The following DOCK1 variants were observed in gnomAD, a reference collection of about 807,000 sequenced individuals.
DOCK1 encodes the protein dedicator of cytokinesis 1.
DOCK1 carries 138 observed loss-of-function variants against 262.7 expected under a neutral mutation model. The ratio of observed to expected loss-of-function variants is 0.53; its 90% CI spans 0.46 to 0.61. The LOEUF (loss-of-function observed/expected upper bound fraction) is 0.61, where lower values mean the gene tolerates loss of function less well. DOCK1 is among the 20% of genes least tolerant of loss of function. The pLI is 0.00. For synonymous variants in DOCK1, 866 were observed against 867.4 expected (o/e 1.00, Z 0.03); for missense variants, 1,908 against 2,370.7 (o/e 0.80, Z 4.05).
chr10:126,907,773 C>T (rs920517990), intron 1 of DOCK1, among the ~76,000 whole-genome samples: 11 of 152,090 alleles, frequency 7.2e-5, no homozygotes, highest in Non-Finnish European at 1.3e-4. Context: ...GCGCTTGAGT[C>T]TCACACCTTC....
chr10:127,397,494 C>T lies in DOCK1; in HGVS notation c.3928-5561C>T, dbSNP rs1042708231. 6.6e-3 allele frequency among the ~76,000 whole-genome samples: 767 copies of T among 116,450 alleles called. 4 individuals carry two copies. Among genetic ancestry groups the T allele is most frequent in the South Asian group, 0.016 (57 of 3,514 alleles). The allele number at this position is 116,450 out of a possible 152,430, so 76.4% of individuals were successfully genotyped here. ...ATCTGAGCATGAGTTACACGGGCAG[C>T]AACTCCTATGTGATCTGAGCATGAG... On this transcript the variant is annotated intron_variant, in intron 38 of 51. Transcript: ENST00000623213.
At chr10:126,970,875 C>T (rs2038054871) in intron 2 of DOCK1, 90 bp downstream of exon 2, 2 of 1,429,868 alleles carry the variant, frequency 1.4e-6, no homozygotes, top group Non-Finnish European at 9.6e-7. Context: ...TCCTCTGTTA[C>T]AGACACATAA....
At chr10:127,365,552 G>T (rs556683960) in intron 33 of DOCK1, among the ~76,000 whole-genome samples, 1 of 152,326 alleles carries the variant, frequency 6.6e-6, no homozygotes, top group South Asian at 2.1e-4. Flanking sequence ...GGTTAAGGGG[G>T]AAAGTGTATT....
intron 27 of DOCK1, 181 bp downstream of exon 27, chr10:127,127,945 T>G: frequency 2.4e-6 from 1 of 421,578 alleles, no homozygotes. Context: ...CAAACCAACT[T>G]TAAAGATGGA....
chr10:127,215,154 C>T (rs985996318), intron 27 of DOCK1, among the ~76,000 whole-genome samples: 1 of 152,140 alleles, frequency 6.6e-6, no homozygotes, highest in Non-Finnish European at 1.5e-5. Flanking sequence ...AGAATACATC[C>T]CCAGCCACGT....
intron 25 of DOCK1, among the ~76,000 whole-genome samples, chr10:127,122,513 C>T (rs951882360): frequency 2.6e-5 from 4 of 151,948 alleles, no homozygotes; most frequent in Admixed American, 6.6e-5. Flanking sequence ...CATTTTGTCT[C>T]GACAGTTAAA....
At chr10:127,125,431 T>A (rs2049887494) in intron 25 of DOCK1, 43 bp from the exon 26 acceptor site, 1 of 1,607,766 alleles carries the variant, frequency 6.2e-7, no homozygotes, top group Non-Finnish European at 8.5e-7. Flanking sequence ...GAGTTGCGTC[T>A]TGGTGGGTTT....
intron 18 of DOCK1, among the ~76,000 whole-genome samples, chr10:127,033,235 G>A (rs1261510917): frequency 6.8e-6 from 1 of 146,938 alleles, no homozygotes; most frequent in East Asian, 2.0e-4. Context: ...CCCTACTCGT[G>A]CTGTGGGATA....
At chr10:126,918,983 G>GGATTTGGAGGAGGAGAAAGTCA (rs1554955675) in intron 1 of DOCK1, among the ~76,000 whole-genome samples, 22 of 152,066 alleles carry the variant, frequency 1.4e-4, no homozygotes, top group East Asian at 5.8e-4. Flanking sequence ...AGAAAGCCGA[G>GGATTTGGAGGAGGAGAAAGTCA]AGGGAGTGTG....
intron 2 of DOCK1, 80 bp from the exon 3 acceptor site, chr10:126,977,868 A>G (rs2038665831): frequency 3.6e-6 from 5 of 1,381,252 alleles, no homozygotes; most frequent in Non-Finnish European, 5.1e-6. Context: ...CCAAACAGTG[A>G]GTTCTACACA....
At chr10:127,378,339 G>A (rs573546391) in intron 35 of DOCK1, among the ~76,000 whole-genome samples, 2 of 152,176 alleles carry the variant, frequency 1.3e-5, no homozygotes, top group Non-Finnish European at 2.9e-5. Context: ...GAGTTGGGGG[G>A]CCGGTCCCAA....
chr10:127,341,599 T>C (rs2063428168), intron 30 of DOCK1, among the ~76,000 whole-genome samples: 1 of 152,222 alleles, frequency 6.6e-6, no homozygotes, highest in South Asian at 2.1e-4. Context: ...CTAGGTCAGG[T>C]CTCACACATG....
At chr10:127,275,154 C>T (rs899420392) in intron 29 of DOCK1, among the ~76,000 whole-genome samples, 2 of 152,106 alleles carry the variant, frequency 1.3e-5, no homozygotes, top group Admixed American at 6.5e-5. Context: ...GAAGAGAAGC[C>T]GACCCAGGCT....
chr10:127,134,198 G>A (rs2050505364), intron 27 of DOCK1, among the ~76,000 whole-genome samples: 1 of 152,176 alleles, frequency 6.6e-6, no homozygotes, highest in Admixed American at 6.5e-5. Context: ...TTAATTAAGA[G>A]TTGTGTATCT....
chr10:127,209,962 A>G (rs1421831042), intron 27 of DOCK1, among the ~76,000 whole-genome samples: 1 of 152,160 alleles, frequency 6.6e-6, no homozygotes, highest in Admixed American at 6.5e-5. Context: ...AGGAGTTGGT[A>G]AGTCCCGTGG....
chr10:127,352,352 G>T (rs1427610350), intron 31 of DOCK1, among the ~76,000 whole-genome samples: 1 of 151,600 alleles, frequency 6.6e-6, no homozygotes, highest in Non-Finnish European at 1.5e-5. Flanking sequence ...GGGAGGAGCG[G>T]ATGCACCTGG....
In DOCK1 at chr10:127,380,024, A is replaced by G. The variant is rs539068701; in HGVS notation, c.3676-58A>G. 5.6e-5 allele frequency: 65 copies of G among 1,170,106 alleles called. 2 individuals carry two copies. The South Asian group carries it at 7.5e-4, about 13-fold the overall frequency. The allele number at this position is 1,170,106 out of a possible 1,614,324, so 72.5% of individuals were successfully genotyped here. On this transcript the variant is annotated intron_variant, in intron 35 of 51. Transcript: ENST00000623213. Reference sequence around the variant, plus strand: ...GAAGTATCTTGAATTTTTATTGTGCATGTGATACCTTTTGTGGAACAGATT... The same window carrying G: ...GAAGTATCTTGAATTTTTATTGTGCGTGTGATACCTTTTGTGGAACAGATT...
intron 29 of DOCK1, among the ~76,000 whole-genome samples, chr10:127,260,819 A>G (rs1183978370): frequency 2.8e-5 from 1 of 36,108 alleles, no homozygotes; most frequent in Non-Finnish European, 5.5e-5. Flanking sequence ...GTGTCCCTGC[A>G]TGTGTGTGCA....
intron 27 of DOCK1, among the ~76,000 whole-genome samples, chr10:127,200,254 T>G (rs2057391933): frequency 6.6e-6 from 1 of 152,114 alleles, no homozygotes; most frequent in African/African-American, 2.4e-5. Context: ...GAACAGCTAC[T>G]CCATAGACAG....
Sources: allele counts gnomAD v4.1 joint callset (sites outside exome capture counted in the v4.1 genomes callset), GRCh38; gene constraint gnomAD v4.1.1; transcripts MANE v1.5; gene names NCBI Gene and HGNC (gene_info 2026-07-23, HGNC 2026-07-21).